Variants in GNAT3 observed in about 807,000 individuals in gnomAD.
GNAT3 encodes the protein G protein subunit alpha transducin 3.
GNAT3 carries 31 observed loss-of-function variants against 37.7 expected under a neutral mutation model. The ratio of observed to expected loss-of-function variants is 0.82; its 90% CI spans 0.62 to 1.11. The LOEUF (loss-of-function observed/expected upper bound fraction) is 1.11. GNAT3 is among the 50% of genes most tolerant of loss of function. The probability of loss-of-function intolerance (pLI) is 0.00; values close to 1 mark genes in which losing one functional copy is unlikely to be tolerated. For synonymous variants in GNAT3, 138 were observed against 139.8 expected (o/e 0.99, Z 0.09); for missense variants, 437 against 412.5 (o/e 1.06, Z -0.51).
chr7:80,463,934 A>G (rs1440255256), intron 5 of GNAT3, among the ~76,000 whole-genome samples: 1 of 151,342 alleles, frequency 6.6e-6, no homozygotes. Context: ...AGTTTTGGGA[A>G]CATAAAGAAT....
rs1245055493 is a variant in GNAT3 at position 80,462,645 on chromosome 7, T to C, written c.591-14A>G. 1 of 1,604,048 alleles carries C rather than the reference T, an allele frequency of 6.2e-7. No individual in the cohort carries two copies. The highest frequency in any genetic ancestry group is 8.5e-7 in the Non-Finnish European group (1 of 1,174,292). ...ACATCAAACATCCTTTAAGAAAACATCAAATGAATAATAAATCTTGCAAAT... is the reference window on the plus strand; with the variant it reads ...ACATCAAACATCCTTTAAGAAAACACCAAATGAATAATAAATCTTGCAAAT... On this transcript the variant is annotated splice_polypyrimidine_tract_variant and intron_variant, in intron 5 of 7. Coordinates refer to ENST00000398291, the MANE Select transcript of GNAT3 (RefSeq NM_001102386.3).
intron 1 of GNAT3, among the ~76,000 whole-genome samples, chr7:80,510,466 T>C (rs1463215313): frequency 6.6e-6 from 1 of 152,210 alleles, no homozygotes; most frequent in Non-Finnish European, 1.5e-5. Flanking sequence ...ACAAAAGGAA[T>C]ATAAAAATGA....
chr7:80,507,515 G>A (rs530225166), intron 1 of GNAT3, among the ~76,000 whole-genome samples: 1 of 151,920 alleles, frequency 6.6e-6, no homozygotes, highest in East Asian at 1.9e-4. Context: ...AATAAACCAC[G>A]TTTGTCTAGA....
At chr7:80,473,181 T>C (rs995014884) in intron 5 of GNAT3, among the ~76,000 whole-genome samples, 1 of 152,204 alleles carries the variant, frequency 6.6e-6, no homozygotes, top group Non-Finnish European at 1.5e-5. Flanking sequence ...TTGATCCCAA[T>C]CGGTGCAGTC....
chr7:80,496,724 A>G (rs769378743), intron 1 of GNAT3, among the ~76,000 whole-genome samples: 1 of 152,066 alleles, frequency 6.6e-6, no homozygotes, highest in East Asian at 1.9e-4. Context: ...CAGAAATGAG[A>G]TTTTGTCCTT....
At chr7:80,495,412 A>G (rs1317675067) in intron 1 of GNAT3, among the ~76,000 whole-genome samples, 2 of 150,932 alleles carry the variant, frequency 1.3e-5, no homozygotes, top group East Asian at 1.9e-4. Flanking sequence ...ACTTTTTAAT[A>G]ATAGCCATTT....
At chr7:80,486,610 ATT>A (rs111642217) in intron 3 of GNAT3, 58 of 83,378 alleles carry the variant, frequency 7.0e-4, no homozygotes, top group African/African-American at 2.0e-3. Context: ...ATGCCTAGCT[ATT>A]TTTTTTTCTT....
chr7:80,488,182 T>C (rs1360016503), intron 3 of GNAT3, among the ~76,000 whole-genome samples: 1 of 152,118 alleles, frequency 6.6e-6, no homozygotes, highest in African/African-American at 2.4e-5. Context: ...CTCTTTGAAA[T>C]GGCATAACTA....
chr7:80,485,928 G>A (rs1444995554), intron 3 of GNAT3, among the ~76,000 whole-genome samples: 1 of 152,096 alleles, frequency 6.6e-6, no homozygotes, highest in Non-Finnish European at 1.5e-5. Flanking sequence ...CAAACTTATA[G>A]ACCCAGTGAC....
chr7:80,510,079 T>C (rs1359998803), intron 1 of GNAT3, among the ~76,000 whole-genome samples: 1 of 152,080 alleles, frequency 6.6e-6, no homozygotes, highest in African/African-American at 2.4e-5. Context: ...AATTTATTCT[T>C]CCTATTTAAC....
At chr7:80,476,307 A>G (rs1790300899) in intron 4 of GNAT3, among the ~76,000 whole-genome samples, 3 of 151,370 alleles carry the variant, frequency 2.0e-5, no homozygotes, top group African/African-American at 7.3e-5. Context: ...CTTAGACCAA[A>G]TAGAGGCCCT....
chr7:80,461,290 G>A (rs1445523703), intron 7 of GNAT3, among the ~76,000 whole-genome samples: 1 of 152,056 alleles, frequency 6.6e-6, no homozygotes, highest in Non-Finnish European at 1.5e-5. Flanking sequence ...GCTCACACCT[G>A]TAATCCCAGC....
chr7:80,495,387 ATC>A (rs1450414588), intron 1 of GNAT3, among the ~76,000 whole-genome samples: 6 of 151,262 alleles, frequency 4.0e-5, no homozygotes, highest in Admixed American at 4.0e-4. Flanking sequence ...CGCTGCCAGT[ATC>A]TGTTGTTTTT....
chr7:80,462,721 TC>T (rs1400724942), intron 5 of GNAT3, 90 bp from the exon 6 acceptor site: 4 of 898,252 alleles, frequency 4.5e-6, no homozygotes, highest in Non-Finnish European at 6.6e-6. Context: ...AAATGGGTGA[TC>T]CCCTATCTTC....
chr7:80,505,491 C>A (rs775029246), intron 1 of GNAT3, among the ~76,000 whole-genome samples: 3 of 152,102 alleles, frequency 2.0e-5, no homozygotes, highest in African/African-American at 4.8e-5. Context: ...CTCAGCCTCC[C>A]GAGTAGCTGG....
chr7:80,504,073 T>G (rs1227402842), intron 1 of GNAT3, among the ~76,000 whole-genome samples: 3 of 152,184 alleles, frequency 2.0e-5, no homozygotes, highest in African/African-American at 7.2e-5. Context: ...TCCAGCACTT[T>G]GGGAGGCCGA....
intron 1 of GNAT3, among the ~76,000 whole-genome samples, chr7:80,498,863 C>A (rs534320577): frequency 6.0e-4 from 91 of 152,060 alleles, no homozygotes; most frequent in Admixed American, 1.0e-3. Flanking sequence ...TACTTAGATA[C>A]TCATAAATTA....
At position 80,474,263 on chromosome 7, in the gene GNAT3, T is replaced by C. The variant is rs1351090681; in HGVS notation, c.578A>G (p.Asp193Gly). The C allele has an allele frequency of 2.5e-6, 4 of 1,604,046 alleles. No homozygotes were observed. In the South Asian group the frequency reaches 3.4e-5, roughly 13 times the overall value. Residue 193 changes from aspartate to glycine, a missense_variant, in exon 5 of 8, where the codon GAC (aspartate) becomes GGC (glycine). Asp to Gly is a moderately conservative substitution (Grantham distance 94). Transcript: ENST00000398291. ...GIIETQFSFK[D>G]LHFRMFDVGG... Reference sequence around the variant, plus strand: ...TATTTGATCATACCTGAAGTGCAAGTCTTTAAAGGAGAATTGAGTTTCAAT... The same window carrying C: ...TATTTGATCATACCTGAAGTGCAAGCCTTTAAAGGAGAATTGAGTTTCAAT...
chr7:80,469,529 A>G (rs1790175062), intron 5 of GNAT3, among the ~76,000 whole-genome samples: 1 of 152,164 alleles, frequency 6.6e-6, no homozygotes, highest in Non-Finnish European at 1.5e-5. Flanking sequence ...GTTTGATAAG[A>G]ACTCTACAGT....
Sources: allele counts gnomAD v4.1 joint callset (sites outside exome capture counted in the v4.1 genomes callset), GRCh38; gene constraint gnomAD v4.1.1; transcripts MANE v1.5; gene names NCBI Gene and HGNC (gene_info 2026-07-23, HGNC 2026-07-21).